Variants in CALN1 observed in about 807,000 individuals in gnomAD.
The protein encoded by CALN1 is calcium-binding protein 8.
Under a neutral mutation model 30.6 loss-of-function variants are expected in CALN1, and 17 were observed. The observed-to-expected ratio is 0.56, with a 90% CI of 0.38 to 0.83. The LOEUF (loss-of-function observed/expected upper bound fraction) is 0.83, where lower values mean the gene tolerates loss of function less well. Among genes scored for constraint, CALN1 ranks in the 40% least tolerant of loss-of-function variants. The pLI is 0.00. For missense variants in CALN1, 291 were observed against 354.9 expected (o/e 0.82, Z 1.45); for synonymous variants, 156 against 131.4 (o/e 1.19, Z -1.28).
rs3032247 is a variant in CALN1 at position 72,268,793 on chromosome 7, CCACACACA to C, written c.244+9885_244+9892del. The stretch of plus-strand genomic sequence containing the variant: ...GCCTGGGCAACAGAGCAAGACCCTG[CCACACACA>C]CACACACACACACACACACACACAC... On this transcript the variant is annotated intron_variant, in intron 3 of 6. Transcript: ENST00000395275. 6.9e-4 allele frequency among the ~76,000 whole-genome samples: 100 copies of C among 145,934 alleles called. 1 individual carries two copies. In the East Asian group the frequency reaches 7.1e-3, roughly 10 times the overall value.
intron 4 of CALN1, among the ~76,000 whole-genome samples, chr7:72,077,091 G>A (rs141439185): frequency 0.019 from 2,934 of 152,038 alleles, 89 homozygotes; most frequent in African/African-American, 0.067. Flanking sequence ...CCTAGTAGTA[G>A]TGGCATTGGT....
intron 3 of CALN1, among the ~76,000 whole-genome samples, chr7:72,128,097 C>A (rs1808893172): frequency 6.6e-6 from 1 of 152,066 alleles, no homozygotes; most frequent in Non-Finnish European, 1.5e-5. Flanking sequence ...TAAGTGTGCA[C>A]ACCCTGGACC....
At chr7:72,316,482 G>A (rs545421465) in intron 2 of CALN1, among the ~76,000 whole-genome samples, 1 of 152,046 alleles carries the variant, frequency 6.6e-6, no homozygotes, top group Non-Finnish European at 1.5e-5. Context: ...ACAGAGTAAA[G>A]ACACACAACA....
intron 2 of CALN1, among the ~76,000 whole-genome samples, chr7:72,380,712 G>C (rs1419568671): frequency 1.4e-5 from 2 of 147,964 alleles, no homozygotes; most frequent in Admixed American, 1.4e-4. Context: ...AGATTAGATA[G>C]ATAGATAGAT....
At chr7:71,969,616 G>T (rs894384400) in intron 5 of CALN1, among the ~76,000 whole-genome samples, 20 of 152,124 alleles carry the variant, frequency 1.3e-4, no homozygotes, top group African/African-American at 4.8e-4. Context: ...GAGGAATAAG[G>T]ATCTGAACAT....
intron 3 of CALN1, among the ~76,000 whole-genome samples, chr7:72,275,047 G>A (rs1027725342): frequency 2.6e-5 from 4 of 152,042 alleles, no homozygotes; most frequent in Non-Finnish European, 4.4e-5. Flanking sequence ...TGGAGGAAAG[G>A]GATTTTCCAT....
chr7:72,101,316 T>C (rs945590272), intron 4 of CALN1, among the ~76,000 whole-genome samples: 5 of 152,188 alleles, frequency 3.3e-5, no homozygotes, highest in Admixed American at 6.5e-5. Context: ...AACAGACGTA[T>C]AGATTAAGAC....
intron 5 of CALN1, among the ~76,000 whole-genome samples, chr7:71,828,796 T>G (rs1789088270): frequency 1.3e-5 from 2 of 151,804 alleles, no homozygotes; most frequent in African/African-American, 4.8e-5. Context: ...TTGCCCAGGC[T>G]GCTGTGCAGT....
At position 71,914,323 on chromosome 7, in the gene CALN1, C is replaced by A. The variant is rs4717620; in HGVS notation, c.502-103831G>T. 7.3e-3 allele frequency among the ~76,000 whole-genome samples: 1,117 copies of A among 152,178 alleles called. 15 individuals are homozygous for A. The highest frequency in any genetic ancestry group is 0.025 in the African/African-American group (1,056 of 41,508). ...TGCAGTATTTGGTTTTCTGTTCCTG[C>A]GTTAGTTTGCTAAGGATAATGACCT... is the stretch of plus-strand genomic sequence containing the variant. On this transcript the variant is annotated intron_variant, in intron 5 of 6. Transcript: ENST00000395275.
At chr7:72,050,403 T>G (rs1291244476) in intron 4 of CALN1, among the ~76,000 whole-genome samples, 1 of 152,148 alleles carries the variant, frequency 6.6e-6, no homozygotes, top group Non-Finnish European at 1.5e-5. Context: ...AAAACATTCA[T>G]GAAACATTTA....
Position 72,294,618 on chromosome 7 carries a change from GC to G in CALN1, c.120-15809del, listed in dbSNP as rs546061817. Among the ~76,000 whole-genome samples, 780 of 152,080 alleles carry G rather than the reference GC, an allele frequency of 5.1e-3. 7 individuals are homozygous for G. The highest frequency in any genetic ancestry group is 0.017 in the African/African-American group (720 of 41,474). On this transcript the variant is annotated intron_variant, in intron 2 of 6. Transcript: ENST00000395275. ...TTTAGAAATAGCCTAGCGTGGTGGT[GC>G]GCACCTGTAGTCTCAGCTACTTCGG...
chr7:71,938,858 A>C (rs1299129470), intron 5 of CALN1, among the ~76,000 whole-genome samples: 1 of 152,138 alleles, frequency 6.6e-6, no homozygotes, highest in Non-Finnish European at 1.5e-5. Flanking sequence ...AGAGAGCGCC[A>C]TGGTGGGATA....
At chr7:72,192,625 T>TTTATTA (rs140672013) in intron 3 of CALN1, among the ~76,000 whole-genome samples, 84 of 143,832 alleles carry the variant, frequency 5.8e-4, no homozygotes, top group African/African-American at 2.0e-3. Context: ...TCCCATTTCT[T>TTTATTA]TTATTATTAT....
At chr7:72,021,204 GTT>G (rs1800686188) in intron 5 of CALN1, among the ~76,000 whole-genome samples, 1 of 152,144 alleles carries the variant, frequency 6.6e-6, no homozygotes, top group South Asian at 2.1e-4. Context: ...GAGTCCAGGA[GTT>G]CAAGGCTGCA....
intron 3 of CALN1, among the ~76,000 whole-genome samples, chr7:72,140,610 G>C (rs987163130): frequency 6.6e-5 from 10 of 152,268 alleles, no homozygotes; most frequent in East Asian, 1.9e-4. Context: ...GGTGTGGCCA[G>C]TCTGGGCCTA....
chr7:72,138,607 G>C (rs1276826349), intron 3 of CALN1, among the ~76,000 whole-genome samples: 1 of 152,196 alleles, frequency 6.6e-6, no homozygotes, highest in Non-Finnish European at 1.5e-5. Flanking sequence ...CACCGGCTGA[G>C]AACTGAGTTA....
At chr7:72,185,839 T>C (rs1790149692) in intron 3 of CALN1, among the ~76,000 whole-genome samples, 1 of 152,236 alleles carries the variant, frequency 6.6e-6, no homozygotes. Context: ...AGACATGATT[T>C]GCTCCTCTTT....
At chr7:72,157,150 G>A (rs1787748240) in intron 3 of CALN1, among the ~76,000 whole-genome samples, 1 of 152,224 alleles carries the variant, frequency 6.6e-6, no homozygotes, top group Non-Finnish European at 1.5e-5. Context: ...GATGACATGG[G>A]AACTACTGGT....
intron 5 of CALN1, among the ~76,000 whole-genome samples, chr7:71,897,831 A>G: frequency 6.6e-6 from 1 of 151,900 alleles, no homozygotes; most frequent in Non-Finnish European, 1.5e-5. Context: ...GAACAGAAAC[A>G]GACTTGGAGG....
Sources: allele counts gnomAD v4.1 joint callset (sites outside exome capture counted in the v4.1 genomes callset), GRCh38; gene constraint gnomAD v4.1.1; transcripts MANE v1.5; gene names NCBI Gene and HGNC (gene_info 2026-07-23, HGNC 2026-07-21).